DNAH8: variants seen among roughly 807,000 people sequenced by gnomAD.
DNAH8 encodes axonemal beta dynein heavy chain 8.
In DNAH8, 382 loss-of-function variants were observed where a neutral mutation model predicts 562.1. That is an observed-to-expected ratio of 0.68 (90% CI 0.63 to 0.74). The LOEUF is 0.74. Ranked by LOEUF, DNAH8 falls within the 30% of genes least tolerant of loss-of-function variation. The pLI, the probability that DNAH8 is intolerant of heterozygous loss-of-function variation, is 0.00. For synonymous variants in DNAH8, 1,881 were observed against 1,919.4 expected, an observed-to-expected ratio of 0.98 and a Z score of 0.52; for missense variants, 5,203 against 5,620.4, an observed-to-expected ratio of 0.93 and a Z score of 2.37.
chr6:38,788,745 T>C (rs1316194397), intron 18 of DNAH8, among the ~76,000 whole-genome samples: 1 of 152,240 alleles, frequency 6.6e-6, no homozygotes, highest in Non-Finnish European at 1.5e-5. Context: ...TTCATTTTCT[T>C]GATGGTGTTC....
At chr6:39,017,857 C>G (rs1766661302) in intron 91 of DNAH8, among the ~76,000 whole-genome samples, 1 of 152,178 alleles carries the variant, frequency 6.6e-6, no homozygotes, top group African/African-American at 2.4e-5. Flanking sequence ...CATCAACTAG[C>G]TACAATCTCT....
Position 38,734,536 on chromosome 6 carries a change from A to C in DNAH8, c.673A>C (p.Asn225His). Reference protein sequence around the residue: ...GAKMMKLYIDNAAPDKLKGLC... With the variant: ...GAKMMKLYIDHAAPDKLKGLC... Reference sequence around the variant, plus strand: ...AAAAATGATGAAATTGTATATAGACAATGCAGCCCCGGATAAACTAAAAGG... The same window carrying C: ...AAAAATGATGAAATTGTATATAGACCATGCAGCCCCGGATAAACTAAAAGG... The change falls in exon 5 of 93, where the codon AAT (asparagine) becomes CAT (histidine). Residue 225 changes from asparagine (N) to histidine (H), a missense_variant. By Grantham distance (68) the Asn-to-His change is moderately conservative. Around this residue, in one of 6 missense-constraint regions of DNAH8, gnomAD observed 556 missense variants for 496.9 expected, o/e 1.12. Coordinates refer to ENST00000327475, the MANE Select transcript of DNAH8 (RefSeq NM_001206927.2). 2.5e-6 allele frequency: 4 copies of C among 1,613,992 alleles called. No individual in the cohort carries two copies. Among genetic ancestry groups the C allele is most frequent in the Non-Finnish European group, 3.4e-6 (4 of 1,179,982 alleles).
chr6:38,810,318 G>A (rs896507646), intron 24 of DNAH8, among the ~76,000 whole-genome samples: 18 of 152,250 alleles, frequency 1.2e-4, no homozygotes, highest in South Asian at 6.2e-4. Context: ...CTGGCCAGGC[G>A]CAGTGGCTCA....
intron 87 of DNAH8, 184 bp downstream of exon 87, chr6:38,984,491 CACACA>C: frequency 1.8e-6 from 1 of 562,724 alleles, no homozygotes; most frequent in Non-Finnish European, 3.2e-6. Context: ...CACACACACA[CACACA>C]ACAACCAGCA....
chr6:38,987,198 G>A (rs558389567), intron 87 of DNAH8, among the ~76,000 whole-genome samples: 72 of 152,330 alleles, frequency 4.7e-4, no homozygotes, highest in African/African-American at 1.7e-3. Context: ...AGATGTCTGA[G>A]CCGGGAGCAC....
At chr6:38,737,032 G>A (rs755576198) in intron 5 of DNAH8, 35 bp from the exon 6 acceptor site, 1 of 1,434,140 alleles carries the variant, frequency 7.0e-7, no homozygotes, top group Non-Finnish European at 9.2e-7. Context: ...AGTGGGATTA[G>A]CATGTAAAAT....
chr6:38,819,664 GA>G (rs1772636791), intron 26 of DNAH8, among the ~76,000 whole-genome samples: 1 of 151,922 alleles, frequency 6.6e-6, no homozygotes, highest in Non-Finnish European at 1.5e-5. Context: ...AATAAGACAA[GA>G]AAAAATGAGA....
At chr6:38,998,535 AG>A (rs1765288305) in intron 88 of DNAH8, among the ~76,000 whole-genome samples, 1 of 152,190 alleles carries the variant, frequency 6.6e-6, no homozygotes, top group East Asian at 1.9e-4. Flanking sequence ...TATTCCCTTG[AG>A]TATTTGAGGA....
In DNAH8 at chr6:38,915,289, T is replaced by G; in HGVS notation, c.10052T>G (p.Val3351Gly). 1 of 1,610,754 alleles carries G rather than the reference T, an allele frequency of 6.2e-7. No individual in the cohort carries two copies. The highest frequency in any genetic ancestry group is 8.5e-7 in the Non-Finnish European group (1 of 1,178,788). The change falls in exon 68 of 93, where the codon GTG becomes GGG. Residue 3351 changes from valine (V) to glycine (G), a missense_variant. Around this residue, in one of 6 missense-constraint regions of DNAH8, gnomAD observed 87 missense variants for 144.9 expected, o/e 0.60. Coordinates refer to ENST00000327475, the MANE Select transcript of DNAH8 (RefSeq NM_001206927.2). ...QEVKDKAQKI[V>G]DEIDSEKVKA... ...GTAAAGGACAAAGCCCAAAAAATTGTGGATGAAATTGATAGTGAAAAAGTG... is the reference window on the plus strand; with the variant it reads ...GTAAAGGACAAAGCCCAAAAAATTGGGGATGAAATTGATAGTGAAAAAGTG...
chr6:38,736,582 G>A (rs540712420), intron 5 of DNAH8, among the ~76,000 whole-genome samples: 1 of 152,178 alleles, frequency 6.6e-6, no homozygotes, highest in African/African-American at 2.4e-5. Flanking sequence ...TCTGGCTTGG[G>A]ATTTCTAAGT....
At chr6:38,864,689 G>A (rs62396410) in intron 45 of DNAH8, among the ~76,000 whole-genome samples, 23,884 of 151,900 alleles carry the variant, frequency 0.16, 2,274 homozygotes, top group Non-Finnish European at 0.21. Flanking sequence ...ACTTCAGGGG[G>A]TGGTGGGGTG....
intron 62 of DNAH8, among the ~76,000 whole-genome samples, chr6:38,903,159 A>G (rs1168356721): frequency 6.6e-6 from 1 of 152,226 alleles, no homozygotes. Context: ...GCTGTTCTGT[A>G]TTAGTCAGTT....
Position 38,939,008 on chromosome 6 carries a change from G to A in DNAH8, c.12007+20G>A. 6.3e-7 allele frequency: 1 copy of A among 1,598,358 alleles called. No homozygotes were observed. Among genetic ancestry groups the A allele is most frequent in the Non-Finnish European group, 8.5e-7 (1 of 1,169,782 alleles). On this transcript the variant is annotated intron_variant, in intron 79 of 92. Transcript: ENST00000327475. ...TTAAAGGTAAAGTGTGTGGGATACA[G>A]ATGTGGTGTGTGGAGGATGTTGCTT...
chr6:38,995,783 T>A (rs16891370), intron 88 of DNAH8, among the ~76,000 whole-genome samples: 1 of 152,104 alleles, frequency 6.6e-6, no homozygotes, highest in Non-Finnish European at 1.5e-5. Flanking sequence ...ACACTAGCTC[T>A]GTAGACCTTG....
chr6:38,967,315 C>T (rs1388552629), intron 82 of DNAH8, among the ~76,000 whole-genome samples: 1 of 151,082 alleles, frequency 6.6e-6, no homozygotes, highest in East Asian at 1.9e-4. Flanking sequence ...AAAAAAAAAC[C>T]ATCTACATTG....
chr6:38,908,127 T>G lies in DNAH8; in HGVS notation c.9513+7T>G. ...TGTTCTCTGCTTTTCTCCAGTAAGT[T>G]TTTATTTTTATTTATATCTACGTAG... On this transcript the variant is annotated splice_region_variant and intron_variant, in intron 64 of 92. Transcript: ENST00000327475. 1 of 1,512,188 alleles carries G rather than the reference T, an allele frequency of 6.6e-7. No homozygotes were observed. The highest frequency in any genetic ancestry group is 8.9e-7 in the Non-Finnish European group (1 of 1,122,718). The allele number at this position is 1,512,188 out of a possible 1,614,324, so 93.7% of individuals were successfully genotyped here.
Position 38,781,386 on chromosome 6 carries a change from T to G in DNAH8, c.2259+13T>G. On this transcript the variant is annotated intron_variant, in intron 16 of 92. Transcript: ENST00000327475. ...CAATTATTTCTTTGTAAGCCAAGAA[T>G]TAAATTTTAATATGTGGATTTTGGT... is the stretch of plus-strand genomic sequence containing the variant. 2 of 1,612,368 alleles carry G rather than the reference T, an allele frequency of 1.2e-6. No homozygotes were observed. The highest frequency in any genetic ancestry group is 1.7e-6 in the Non-Finnish European group (2 of 1,179,360).
chr6:38,873,447 A>C, intron 52 of DNAH8, 71 bp downstream of exon 52: 1 of 1,371,748 alleles, frequency 7.3e-7, no homozygotes, highest in Non-Finnish European at 9.9e-7. Flanking sequence ...GTTTACAGCC[A>C]TCTGAAATAG....
chr6:38,924,127 C>T lies in DNAH8; in HGVS notation c.10927C>T (p.Leu3643=). 1.9e-6 allele frequency: 3 copies of T among 1,613,868 alleles called. No individual in the cohort carries two copies. Among genetic ancestry groups the T allele is most frequent in the Non-Finnish European group, 2.5e-6 (3 of 1,179,886 alleles). The change falls in exon 73 of 93, where the codon CTG becomes TTG. Residue 3643 remains leucine, a synonymous_variant. Coordinates refer to ENST00000327475, the MANE Select transcript of DNAH8 (RefSeq NM_001206927.2). ...RARKIPFTEN[L]NLISMLVDPP... ...ACGGAAAATTCCTTTCACAGAAAACCTGAATCTTATTTCAATGTTGGTGGA... is the reference window on the plus strand; with the variant it reads ...ACGGAAAATTCCTTTCACAGAAAACTTGAATCTTATTTCAATGTTGGTGGA...
Sources: gnomAD v4.1 joint callset for allele counts (sites outside exome capture counted in the v4.1 genomes callset) on GRCh38, gnomAD v4.1.1 for gene constraint, gnomAD v4.1.1 regional missense constraint, MANE v1.5 for transcripts, NCBI Gene and HGNC (gene_info 2026-07-23, HGNC 2026-07-21) for gene names.